AFF2: variants seen among roughly 807,000 people sequenced by gnomAD.
AFF2 encodes the protein ALF transcription elongation factor 2.
Under a neutral mutation model 76.9 loss-of-function variants are expected in AFF2, and 14 were observed. The observed-to-expected ratio is 0.18, with a 90% CI of 0.12 to 0.28. The LOEUF (loss-of-function observed/expected upper bound fraction) is 0.28, where lower values mean the gene tolerates loss of function less well. Ranked by LOEUF, AFF2 falls within the 10% of genes least tolerant of loss-of-function variation. AFF2 has a pLI of 1.00. For synonymous variants in AFF2, 398 were observed against 366.7 expected (o/e 1.09, Z -0.98); for missense variants, 868 against 1,001.1 (o/e 0.87, Z 1.79).
rs571309589 is a variant in AFF2 at position 148,944,772 on chromosome X, T to G, written c.1398-8808T>G. On this transcript the variant is annotated intron_variant, in intron 9 of 20. Coordinates refer to ENST00000370460, the MANE Select transcript of AFF2 (RefSeq NM_002025.4). Reference sequence around the variant, plus strand: ...CATCCTCCATAGTGTCACCTCACCATGTACCATGGTGAGGTTGAATCCAGG... The same window carrying G: ...CATCCTCCATAGTGTCACCTCACCAGGTACCATGGTGAGGTTGAATCCAGG... 9.9e-5 allele frequency among the ~76,000 whole-genome samples: 11 copies of G among 110,762 alleles called. No individual in the cohort carries two copies. In the South Asian group the frequency reaches 4.4e-3, roughly 44 times the overall value.
Position 148,662,075 on chromosome X carries a change from A to T in AFF2, c.348A>T (p.Pro116=). 1 of 1,209,838 alleles carries T rather than the reference A, an allele frequency of 8.3e-7. No homozygotes were observed. The highest frequency in any genetic ancestry group is 1.1e-6 in the Non-Finnish European group (1 of 893,735). Residue 116 remains proline, a synonymous_variant, in exon 3 of 21, where the codon CCA becomes CCT. Coordinates refer to ENST00000370460, the MANE Select transcript of AFF2 (RefSeq NM_002025.4). Reference sequence around the variant, plus strand: ...ACAAAAATGAACCAAGCTTTTTTCCAGAACAAAAGAACAGAATAATTCCAC... The same window carrying T: ...ACAAAAATGAACCAAGCTTTTTTCCTGAACAAAAGAACAGAATAATTCCAC... The part of the protein sequence containing the change: ...PNNKNEPSFF[P]EQKNRIIPPH...
chrX:148,978,580 G>GCCGT (rs2072354667), intron 18 of AFF2, 125 bp downstream of exon 18: 3 of 484,096 alleles, frequency 6.2e-6, no homozygotes, highest in Non-Finnish European at 1.0e-5. Context: ...GCTGGCCATG[G>GCCGT]CCGTCCTACC....
At chrX:148,785,519 T>C (rs2069807696) in intron 3 of AFF2, among the ~76,000 whole-genome samples, 1 of 112,004 alleles carries the variant, frequency 8.9e-6, no homozygotes, top group Non-Finnish European at 1.9e-5. Context: ...ACAAGACATG[T>C]CTGAAAACTG....
At chrX:148,749,262 T>C (rs1005134975) in intron 3 of AFF2, among the ~76,000 whole-genome samples, 5 of 102,182 alleles carry the variant, frequency 4.9e-5, no homozygotes, top group Non-Finnish European at 9.5e-5. Context: ...CCTTCCTAAA[T>C]AGTCTTTTTT....
At chrX:148,659,572 T>C (rs1272533673) in intron 2 of AFF2, among the ~76,000 whole-genome samples, 1 of 112,674 alleles carries the variant, frequency 8.9e-6, no homozygotes, top group Non-Finnish European at 1.9e-5. Context: ...AGTCAGATCA[T>C]TGAATATGGC....
Position 148,956,459 on chromosome X carries a change from T to C in AFF2, c.2414T>C (p.Ile805Thr), listed in dbSNP as rs2072041451. The C allele has an allele frequency of 8.3e-7, 1 of 1,211,839 alleles. No individual in the cohort carries two copies. The highest frequency in any genetic ancestry group is 1.1e-6 in the Non-Finnish European group (1 of 895,552). ...HENLKNLWVKIDLDLLSRVPG... is the reference protein window; with the variant it reads ...HENLKNLWVKTDLDLLSRVPG... ...AACCTGAAAAACCTCTGGGTGAAGA[T>C]TGACCTTGACTTACTCTCTAGAGTA... The change falls in exon 11 of 21, where the codon ATT (isoleucine) becomes ACT (threonine). Residue 805 changes from isoleucine (I) to threonine (T), a missense_variant. Coordinates refer to ENST00000370460, the MANE Select transcript of AFF2 (RefSeq NM_002025.4).
intron 7 of AFF2, among the ~76,000 whole-genome samples, chrX:148,883,296 C>T (rs2071119530): frequency 8.9e-6 from 1 of 111,846 alleles, no homozygotes. Flanking sequence ...CAAAGGCACA[C>T]AGAAACTTCT....
chrX:148,544,456 C>T (rs2052897712), intron 1 of AFF2, among the ~76,000 whole-genome samples: 1 of 111,543 alleles, frequency 9.0e-6, no homozygotes, highest in Admixed American at 9.5e-5. Flanking sequence ...TTCAACTTTT[C>T]CACTAGGGCC....
chrX:148,665,105 G>A (rs138126910), intron 3 of AFF2, among the ~76,000 whole-genome samples: 1,569 of 112,103 alleles, frequency 0.014, 29 homozygotes, highest in African/African-American at 0.045. Context: ...CCATAAAGCA[G>A]TCTGTCAGCC....
At position 148,533,206 on chromosome X, in the gene AFF2, G is replaced by A. The variant is rs782048525; in HGVS notation, c.47+32062G>A. On this transcript the variant is annotated intron_variant, in intron 1 of 20. Transcript: ENST00000370460. Reference sequence around the variant, plus strand: ...TCACCAAAAAGTGTTGTGTTAAAGCGTGCATAAATTATGATTCACAAATAT... The same window carrying A: ...TCACCAAAAAGTGTTGTGTTAAAGCATGCATAAATTATGATTCACAAATAT... Among the ~76,000 whole-genome samples, 10 of 112,005 alleles carry A rather than the reference G, an allele frequency of 8.9e-5. No homozygotes were observed. The South Asian group carries it at 2.2e-3, about 25-fold the overall frequency.
intron 4 of AFF2, among the ~76,000 whole-genome samples, chrX:148,831,088 C>T (rs781793076): frequency 6.0e-4 from 67 of 112,319 alleles, no homozygotes; most frequent in Non-Finnish European, 1.1e-3. Context: ...CTCTGTTGCA[C>T]CCGGCCCACA....
At chrX:148,545,707 T>C (rs2052912958) in intron 1 of AFF2, among the ~76,000 whole-genome samples, 1 of 110,052 alleles carries the variant, frequency 9.1e-6, no homozygotes, top group Non-Finnish European at 1.9e-5. Flanking sequence ...TTTCAAACTT[T>C]TGCTCCACAT....
At chrX:148,720,128 G>C (rs1339219923) in intron 3 of AFF2, among the ~76,000 whole-genome samples, 2 of 110,383 alleles carry the variant, frequency 1.8e-5, no homozygotes, top group Non-Finnish European at 3.8e-5. Context: ...TGAGATCTAT[G>C]AGCATAATAT....
At chrX:148,702,128 A>AT (rs782556028) in intron 3 of AFF2, among the ~76,000 whole-genome samples, 14 of 111,199 alleles carry the variant, frequency 1.3e-4, no homozygotes, top group East Asian at 5.7e-4. Flanking sequence ...TGGATGTCAC[A>AT]TTTTTTTTAT....
At chrX:148,670,109 C>G (rs782209835) in intron 3 of AFF2, among the ~76,000 whole-genome samples, 1 of 111,920 alleles carries the variant, frequency 8.9e-6, no homozygotes, top group Admixed American at 9.5e-5. Context: ...TCTCCCTAAG[C>G]TAAATGAAGT....
intron 1 of AFF2, among the ~76,000 whole-genome samples, chrX:148,513,218 A>G (rs1450061821): frequency 1.8e-5 from 2 of 112,262 alleles, no homozygotes; most frequent in East Asian, 5.5e-4. Context: ...AAATGTGGGG[A>G]TCACCAAACT....
At chrX:148,882,242 T>C (rs1157696232) in intron 7 of AFF2, among the ~76,000 whole-genome samples, 1 of 111,840 alleles carries the variant, frequency 8.9e-6, no homozygotes, top group Non-Finnish European at 1.9e-5. Context: ...TAGGTTCAGC[T>C]TGAAGCTCAG....
At chrX:148,904,015 G>A (rs2071383067) in intron 8 of AFF2, among the ~76,000 whole-genome samples, 1 of 111,632 alleles carries the variant, frequency 9.0e-6, no homozygotes, top group African/African-American at 3.3e-5. Flanking sequence ...CACCTGTATT[G>A]GAAAGCTGCA....
intron 3 of AFF2, among the ~76,000 whole-genome samples, chrX:148,773,737 A>AGAAAGAAAGAAAGAAG (rs1569555328): frequency 2.4e-4 from 26 of 107,771 alleles, no homozygotes; most frequent in Admixed American, 7.9e-4. Flanking sequence ...AAAGAAAGAA[A>AGAAAGAAAGAAAGAAG]GAAAGAAAGA....
Sources: gnomAD v4.1 joint callset for allele counts (sites outside exome capture counted in the v4.1 genomes callset) on GRCh38, gnomAD v4.1.1 for gene constraint, MANE v1.5 for transcripts, NCBI Gene and HGNC (gene_info 2026-07-23, HGNC 2026-07-21) for gene names.